Variants in PAX3 observed in about 807,000 individuals in gnomAD.
The protein encoded by PAX3 is paired box 3, also known as paired box protein Pax-3.
PAX3 carries 14 observed loss-of-function variants against 51.6 expected under a neutral mutation model. That is an observed-to-expected ratio of 0.27 (90% CI 0.18 to 0.42). The LOEUF is 0.42. Among genes scored for constraint, PAX3 ranks in the 10% least tolerant of loss-of-function variants. The pLI is 1.00. For synonymous variants in PAX3, 280 were observed against 253.4 expected, an observed-to-expected ratio of 1.11 and a Z score of -1.00; for missense variants, 540 against 642.8, an observed-to-expected ratio of 0.84 and a Z score of 1.73.
intron 4 of PAX3, among the ~76,000 whole-genome samples, chr2:222,276,093 G>A (rs1485160486): frequency 6.6e-6 from 1 of 152,166 alleles, no homozygotes; most frequent in Non-Finnish European, 1.5e-5. Context: ...TCCCTTTCTG[G>A]ACACAGGAAG....
intron 4 of PAX3, among the ~76,000 whole-genome samples, chr2:222,236,130 C>T (rs376352480): frequency 9.2e-5 from 14 of 152,258 alleles, no homozygotes; most frequent in African/African-American, 2.2e-4. Context: ...ATTAATCTGC[C>T]GGCTAGGAAA....
intron 1 of PAX3, among the ~76,000 whole-genome samples, chr2:222,297,800 G>GCC (rs1485440374): frequency 6.6e-6 from 1 of 152,226 alleles, no homozygotes; most frequent in African/African-American, 2.4e-5. Flanking sequence ...TGGGCCCCCA[G>GCC]CCCCCATTCT....
intron 4 of PAX3, 152 bp downstream of exon 4, chr2:222,294,015 T>A: frequency 6.5e-7 from 1 of 1,546,782 alleles, no homozygotes; most frequent in Non-Finnish European, 8.7e-7. Flanking sequence ...CTCTGGTCTT[T>A]CAGTTCCATG....
intron 4 of PAX3, among the ~76,000 whole-genome samples, chr2:222,250,203 TGA>T (rs1328364169): frequency 6.6e-6 from 1 of 152,182 alleles, no homozygotes; most frequent in East Asian, 1.9e-4. Context: ...AGAACACAGC[TGA>T]AATAGTTTGT....
chr2:222,251,110 T>C (rs926820605), intron 4 of PAX3, among the ~76,000 whole-genome samples: 6 of 152,168 alleles, frequency 3.9e-5, no homozygotes, highest in African/African-American at 7.2e-5. Context: ...TTTATTTATT[T>C]ATTTTTATTA....
intron 4 of PAX3, among the ~76,000 whole-genome samples, chr2:222,290,158 T>C (rs556992079): frequency 9.2e-5 from 14 of 152,146 alleles, no homozygotes; most frequent in African/African-American, 3.4e-4. Context: ...ATGATAAGAG[T>C]GCTCTTTTCA....
intron 4 of PAX3, among the ~76,000 whole-genome samples, chr2:222,288,590 A>C (rs866614246): frequency 1.3e-5 from 2 of 152,300 alleles, no homozygotes; most frequent in Middle Eastern, 3.4e-3. Context: ...AGACAATTTT[A>C]GGGAAACTTT....
chr2:222,254,245 C>T (rs1693550451), intron 4 of PAX3, among the ~76,000 whole-genome samples: 1 of 152,016 alleles, frequency 6.6e-6, no homozygotes, highest in Admixed American at 6.6e-5. Flanking sequence ...ATTTTGTGTT[C>T]AGTTGATATG....
At position 222,220,165 on chromosome 2, in the gene PAX3, G is replaced by C. The variant is rs1385065793; in HGVS notation, c.1148C>G (p.Thr383Ser). 31 of 1,613,828 alleles carry C rather than the reference G, an allele frequency of 1.9e-5. No individual in the cohort carries two copies. Among genetic ancestry groups the C allele is most frequent in the Non-Finnish European group, 2.5e-5 (30 of 1,179,884 alleles). ...CTGAGGTGAGAGGCCATTGCCAATG[G>C]TGGGGTTCATGGGGTTGGAGGGCCC... Reference protein sequence around the residue: ...PSGPSNPMNPTIGNGLSPQVM... With the variant: ...PSGPSNPMNPSIGNGLSPQVM... Residue 383 changes from threonine to serine, a missense_variant, in exon 7 of 9, where the codon ACC becomes AGC. Physicochemically the swap from Thr to Ser is moderately conservative, Grantham distance 58. Coordinates refer to ENST00000392070, the MANE Select transcript of PAX3 (RefSeq NM_181458.4).
intron 5 of PAX3, among the ~76,000 whole-genome samples, chr2:222,221,894 A>G (rs1370171060): frequency 6.6e-6 from 1 of 151,686 alleles, no homozygotes; most frequent in Non-Finnish European, 1.5e-5. Flanking sequence ...TGAACAGAGG[A>G]TAAGTGGAGC....
In PAX3 at chr2:222,294,295, G is replaced by T; in HGVS notation, c.458C>A (p.Ser153Tyr). ...TTTACTTCTCAGGATGCGGCTGATG[G>T]AACTCACTGGGGGCGGGAGGAGGAA... ...CDRNTVPSVSSISRILRSKFG... is the reference protein window; with the variant it reads ...CDRNTVPSVSYISRILRSKFG... Residue 153 changes from serine (S) to tyrosine (Y), a missense_variant, in exon 4 of 9, where the codon TCC (serine) becomes TAC (tyrosine). Coordinates refer to ENST00000392070, the MANE Select transcript of PAX3 (RefSeq NM_181458.4). The T allele has an allele frequency of 6.2e-7, 1 of 1,614,154 alleles. No homozygotes were observed. Among genetic ancestry groups the T allele is most frequent in the Non-Finnish European group, 8.5e-7 (1 of 1,180,042 alleles).
intron 4 of PAX3, among the ~76,000 whole-genome samples, chr2:222,239,618 A>G (rs1692932755): frequency 6.6e-6 from 1 of 152,136 alleles, no homozygotes; most frequent in African/African-American, 2.4e-5. Flanking sequence ...AACTTTCCGG[A>G]ATTCTTAACC....
chr2:222,237,305 G>C (rs1574669494), intron 4 of PAX3, among the ~76,000 whole-genome samples: 1 of 142,930 alleles, frequency 7.0e-6, no homozygotes, highest in African/African-American at 2.6e-5. Flanking sequence ...TCTTAAATGA[G>C]TGTTGAGTCT....
At chr2:222,229,700 C>T (rs188054576) in intron 5 of PAX3, among the ~76,000 whole-genome samples, 4 of 152,288 alleles carry the variant, frequency 2.6e-5, no homozygotes, top group Admixed American at 2.0e-4. Flanking sequence ...ACCACCCTAC[C>T]ACTCCTTACA....
chr2:222,209,813 C>G (rs1195666783), intron 7 of PAX3, among the ~76,000 whole-genome samples: 1 of 148,182 alleles, frequency 6.7e-6, no homozygotes, highest in African/African-American at 2.5e-5. Context: ...ATCACCTGAG[C>G]CCAGGAAGTC....
At chr2:222,205,349 A>C (rs933948615) in intron 7 of PAX3, among the ~76,000 whole-genome samples, 10 of 152,162 alleles carry the variant, frequency 6.6e-5, no homozygotes, top group African/African-American at 2.4e-4. Context: ...ATTGTCACAC[A>C]CAGAAAGCTA....
intron 7 of PAX3, among the ~76,000 whole-genome samples, chr2:222,204,810 T>C (rs1691441772): frequency 1.3e-5 from 2 of 152,194 alleles, no homozygotes; most frequent in Admixed American, 1.3e-4. Flanking sequence ...TTCATGAAGA[T>C]ACTTACTTGA....
intron 7 of PAX3, among the ~76,000 whole-genome samples, chr2:222,215,527 T>A (rs922267597): frequency 2.6e-5 from 4 of 151,930 alleles, no homozygotes; most frequent in South Asian, 2.1e-4. Flanking sequence ...AGTTTGTTAA[T>A]TTAATTGGTC....
chr2:222,260,552 GTTTTTTTTTTTTGT>G lies in PAX3; in HGVS notation c.587-28283_587-28270del, dbSNP rs1693807811. Among the ~76,000 whole-genome samples the G allele has an allele frequency of 9.9e-5, 6 of 60,524 alleles. No homozygotes were observed. The South Asian group carries it at 2.9e-3, about 29-fold the overall frequency. The allele number at this position is 60,524 out of a possible 152,430, so 39.7% of individuals were successfully genotyped here. ...GAAAAAACTATTTCAAGCAACACAA[GTTTTTTTTTTTTGT>G]TTTTTTTTTTTGTTTTTTTTTTTTG... On this transcript the variant is annotated intron_variant, in intron 4 of 8. Transcript: ENST00000392070.
Sources: allele counts gnomAD v4.1 joint callset (sites outside exome capture counted in the v4.1 genomes callset), GRCh38; gene constraint gnomAD v4.1.1; transcripts MANE v1.5; gene names NCBI Gene and HGNC (gene_info 2026-07-23, HGNC 2026-07-21).